KLHDC10: variants seen among roughly 807,000 people sequenced by gnomAD.
The protein encoded by KLHDC10 is kelch domain-containing protein 10.
KLHDC10 carries 24 observed loss-of-function variants against 56.1 expected under a neutral mutation model. The ratio of observed to expected loss-of-function variants is 0.43; its 90% CI spans 0.31 to 0.60. KLHDC10 has a LOEUF of 0.60. Ranked by LOEUF, KLHDC10 falls within the 20% of genes least tolerant of loss-of-function variation. The pLI is 0.11. For missense variants in KLHDC10, 349 were observed against 567.0 expected, an observed-to-expected ratio of 0.62 and a Z score of 3.91; for synonymous variants, 188 against 207.1, an observed-to-expected ratio of 0.91 and a Z score of 0.79.
intron 2 of KLHDC10, among the ~76,000 whole-genome samples, chr7:130,100,998 TA>T (rs374205614): frequency 1.2e-3 from 148 of 120,942 alleles, no homozygotes; most frequent in African/African-American, 3.1e-3. Context: ...TCATTGTAAT[TA>T]AAAAAAAAAA....
intron 2 of KLHDC10, among the ~76,000 whole-genome samples, chr7:130,097,820 G>C (rs1384012945): frequency 6.6e-6 from 1 of 152,058 alleles, no homozygotes; most frequent in Non-Finnish European, 1.5e-5. Flanking sequence ...TTTACTTTTA[G>C]AAATGTTGCA....
At chr7:130,103,009 G>A (rs911030388) in intron 2 of KLHDC10, among the ~76,000 whole-genome samples, 1 of 152,196 alleles carries the variant, frequency 6.6e-6, no homozygotes, top group Non-Finnish European at 1.5e-5. Context: ...CTATAAAGAA[G>A]ACCTACAGAT....
intron 1 of KLHDC10, among the ~76,000 whole-genome samples, chr7:130,095,285 C>T (rs1200430425): frequency 4.6e-5 from 7 of 151,446 alleles, no homozygotes; most frequent in East Asian, 1.9e-4. Context: ...AGTTTTTCCA[C>T]GAAAAAATAT....
At chr7:130,093,399 G>A in intron 1 of KLHDC10, among the ~76,000 whole-genome samples, 1 of 151,784 alleles carries the variant, frequency 6.6e-6, no homozygotes, top group East Asian at 1.9e-4. Flanking sequence ...AATTTTTTTT[G>A]TATTTTAGTA....
In KLHDC10 at chr7:130,129,396, CT is replaced by C. The variant is rs765870084; in HGVS notation, c.980-37del. The C allele has an allele frequency of 3.7e-6, 6 of 1,610,174 alleles. No homozygotes were observed. In the Admixed American group the frequency reaches 6.8e-5, roughly 18 times the overall value. On this transcript the variant is annotated intron_variant, in intron 8 of 9. Transcript: ENST00000335420. ...TCTAAAACACTCCATAGCTTTGGCT[CT>C]TTTCCTTTGTGTGATCTTGGCTTTC...
chr7:130,083,620 C>T (rs1220082358), intron 1 of KLHDC10, among the ~76,000 whole-genome samples: 1 of 152,086 alleles, frequency 6.6e-6, no homozygotes, highest in African/African-American at 2.4e-5. Context: ...TTTTCCTATT[C>T]TCTCTTTTAA....
At chr7:130,113,985 T>C (rs1179734665) in intron 2 of KLHDC10, among the ~76,000 whole-genome samples, 2 of 152,216 alleles carry the variant, frequency 1.3e-5, no homozygotes, top group African/African-American at 2.4e-5. Flanking sequence ...GAGAAGAACA[T>C]TGCATAATCC....
rs3043725 is a variant in KLHDC10, at chr7:130,107,843, C to CAAAAAAAAAAAAAAAA, written c.254-8593_254-8578dup. Among the ~76,000 whole-genome samples the CAAAAAAAAAAAAAAAA allele has an allele frequency of 1.0e-3, 26 of 26,032 alleles. 2 individuals carry two copies. Among genetic ancestry groups the CAAAAAAAAAAAAAAAA allele is most frequent in the East Asian group, 5.4e-3 (3 of 556 alleles). The allele number at this position is 26,032 out of a possible 152,430, so 17.1% of individuals were successfully genotyped here. A position where few individuals can be genotyped will look rare whatever the true frequency, so the allele number is the denominator to read the frequency against. On this transcript the variant is annotated intron_variant, in intron 2 of 9. Coordinates refer to ENST00000335420, the MANE Select transcript of KLHDC10 (RefSeq NM_014997.4). Reference sequence around the variant, plus strand: ...TGGGCGACAGAGTGGGACTCCGTCTCAAAAAAAAAAAAAAAAAAAAAAAAG... The same window carrying CAAAAAAAAAAAAAAAA: ...TGGGCGACAGAGTGGGACTCCGTCTCAAAAAAAAAAAAAAAAAAAAAAAAAAAAAAAAAAAAAAAAG...
chr7:130,080,911 TG>T (rs1001244274), intron 1 of KLHDC10, among the ~76,000 whole-genome samples: 2 of 152,194 alleles, frequency 1.3e-5, no homozygotes, highest in Admixed American at 1.3e-4. Context: ...TGTGAGGCTT[TG>T]CCCTTTCTTG....
chr7:130,128,889 A>AATATATATATATATATATATAT (rs1554468213), intron 8 of KLHDC10, among the ~76,000 whole-genome samples: 7 of 66,942 alleles, frequency 1.0e-4, no homozygotes, highest in Admixed American at 1.5e-4. Flanking sequence ...AAAAAAAAAA[A>AATATATATATATATATATATAT]ATATATATAT....
In KLHDC10 at chr7:130,120,028, G is replaced by T. The variant is rs1796228662; in HGVS notation, c.476-721G>T. 6.6e-6 allele frequency among the ~76,000 whole-genome samples: 1 copy of T among 152,118 alleles called. No homozygotes were observed. Reference sequence around the variant, plus strand: ...CACCAAAGTTACCTGCAGGATATTGGTGTGTTTTGTTTTAATCTGGTAGAG... The same window carrying T: ...CACCAAAGTTACCTGCAGGATATTGTTGTGTTTTGTTTTAATCTGGTAGAG... On this transcript the variant is annotated intron_variant, in intron 3 of 9. Transcript: ENST00000335420. The surrounding 1 kb of genome is among the most constrained non-coding windows in gnomAD (Gnocchi z 5.1).
intron 2 of KLHDC10, among the ~76,000 whole-genome samples, chr7:130,100,354 A>G (rs1261220206): frequency 6.6e-6 from 1 of 152,106 alleles, no homozygotes; most frequent in Non-Finnish European, 1.5e-5. Context: ...CACTTATTGC[A>G]CTGAATTGTA....
At chr7:130,121,940 A>G (rs1796253124) in intron 4 of KLHDC10, 114 bp from the exon 5 acceptor site, 7 of 874,114 alleles carry the variant, frequency 8.0e-6, no homozygotes, top group Non-Finnish European at 1.2e-5. Context: ...GATACATTAA[A>G]AGATTAAAAT....
In KLHDC10 at chr7:130,096,875, A is replaced by T. The variant is rs762255047; in HGVS notation, c.167-46A>T. 7 of 1,305,458 alleles carry T rather than the reference A, an allele frequency of 5.4e-6. No individual in the cohort carries two copies. In the African/African-American group the frequency reaches 1.0e-4, roughly 19 times the overall value. The allele number at this position is 1,305,458 out of a possible 1,614,324, so 80.9% of individuals were successfully genotyped here. A position where few individuals can be genotyped will look rare whatever the true frequency, so the allele number is the denominator to read the frequency against. ...ACTACAGTAACTATGTATTATTTGC[A>T]ATGTGTTGTATGTGTCTGACTTATT... On this transcript the variant is annotated intron_variant, in intron 1 of 9. Coordinates refer to ENST00000335420, the MANE Select transcript of KLHDC10 (RefSeq NM_014997.4).
chr7:130,118,911 C>T (rs988781793), intron 3 of KLHDC10, among the ~76,000 whole-genome samples: 8 of 152,080 alleles, frequency 5.3e-5, no homozygotes, highest in African/African-American at 1.7e-4. Context: ...ACAATAGTAA[C>T]ATCAAAGATC....
chr7:130,124,362 A>C (rs1280495554), intron 5 of KLHDC10, 89 bp from the exon 6 acceptor site: 4 of 728,998 alleles, frequency 5.5e-6, no homozygotes, highest in African/African-American at 1.8e-5. Flanking sequence ...TATTGTTATA[A>C]ATAATGATGT....
At position 130,134,216 on chromosome 7, in the gene KLHDC10, G is replaced by T. The variant is rs1419185702; in HGVS notation, c.*3470G>T. 6.6e-6 allele frequency: 1 copy of T among 152,174 alleles called. No homozygotes were observed. The highest frequency in any genetic ancestry group is 1.9e-4 in the East Asian group (1 of 5,198). The allele number at this position is 152,174 out of a possible 1,614,324, so 9.4% of individuals were successfully genotyped here. ...TGTTTTTCCATGGAATGGGGTTAATGAGTAGGTAGAAAAGGAAAAGGAATA... is the reference window on the plus strand; with the variant it reads ...TGTTTTTCCATGGAATGGGGTTAATTAGTAGGTAGAAAAGGAAAAGGAATA... On this transcript the variant is annotated 3_prime_UTR_variant, in exon 10 of 10. Coordinates refer to ENST00000335420, the MANE Select transcript of KLHDC10 (RefSeq NM_014997.4).
At chr7:130,077,370 A>AC (rs1312906617) in intron 1 of KLHDC10, among the ~76,000 whole-genome samples, 11 of 148,448 alleles carry the variant, frequency 7.4e-5, no homozygotes, top group Middle Eastern at 3.5e-3. Flanking sequence ...AAAAAAAAAA[A>AC]AAAAAAAAAA....
intron 1 of KLHDC10, among the ~76,000 whole-genome samples, chr7:130,088,463 CGGG>C (rs1479243839): frequency 6.7e-6 from 1 of 148,894 alleles, no homozygotes; most frequent in Admixed American, 6.7e-5. Context: ...TTAGTAGAGA[CGGG>C]GGTTTTACCA....
Sources: allele counts gnomAD v4.1 joint callset (sites outside exome capture counted in the v4.1 genomes callset), GRCh38; gene constraint gnomAD v4.1.1; non-coding constraint Gnocchi (gnomAD v3.1); transcripts MANE v1.5; gene names NCBI Gene and HGNC (gene_info 2026-07-23, HGNC 2026-07-21).